The following TMEM132D variants were observed in gnomAD, a reference collection of about 807,000 sequenced individuals.
TMEM132D encodes transmembrane protein 132D.
A neutral mutation model predicts 62.3 loss-of-function variants in TMEM132D; 21 were observed. The observed-to-expected ratio is 0.34, with a 90% CI of 0.24 to 0.49. The LOEUF (loss-of-function observed/expected upper bound fraction) is 0.49. Among genes scored for constraint, TMEM132D ranks in the 20% least tolerant of loss-of-function variants. The pLI, the probability that TMEM132D is intolerant of heterozygous loss-of-function variation, is 0.99. For missense variants in TMEM132D, 1,346 were observed against 1,402.8 expected (o/e 0.96, Z 0.65); for synonymous variants, 621 against 575.6 (o/e 1.08, Z -1.13).
intron 1 of TMEM132D, among the ~76,000 whole-genome samples, chr12:129,752,870 G>A (rs947777374): frequency 6.6e-6 from 1 of 152,200 alleles, no homozygotes; most frequent in Non-Finnish European, 1.5e-5. Flanking sequence ...TGGCGAGGAG[G>A]AAGGAGGTAT....
At chr12:129,436,889 AG>A (rs1274977877) in intron 3 of TMEM132D, among the ~76,000 whole-genome samples, 1 of 152,190 alleles carries the variant, frequency 6.6e-6, no homozygotes, top group Non-Finnish European at 1.5e-5. Context: ...AGATTTAAAA[AG>A]TCTTCATTTT....
chr12:129,401,315 C>T (rs996839660), intron 3 of TMEM132D, among the ~76,000 whole-genome samples: 1 of 152,154 alleles, frequency 6.6e-6, no homozygotes, highest in Non-Finnish European at 1.5e-5. Context: ...GCCTGTAATC[C>T]CAACACATGA....
intron 5 of TMEM132D, among the ~76,000 whole-genome samples, chr12:129,126,571 T>C (rs1284341607): frequency 1.3e-5 from 2 of 152,274 alleles, no homozygotes; most frequent in East Asian, 1.9e-4. Context: ...ATCTGGCTAA[T>C]TGAAGAGCAA....
At chr12:129,797,007 G>T (rs187079238) in intron 1 of TMEM132D, among the ~76,000 whole-genome samples, 1 of 152,092 alleles carries the variant, frequency 6.6e-6, no homozygotes, top group Non-Finnish European at 1.5e-5. Context: ...TTTTAACACC[G>T]GCTTGTTTTC....
chr12:129,496,616 AAT>A (rs1593037889), intron 3 of TMEM132D, among the ~76,000 whole-genome samples: 1 of 152,160 alleles, frequency 6.6e-6, no homozygotes, highest in African/African-American at 2.4e-5. Flanking sequence ...AGGAAAGAGA[AAT>A]ATATGTTTTA....
intron 6 of TMEM132D, among the ~76,000 whole-genome samples, chr12:129,082,979 C>T (rs1465615019): frequency 6.6e-6 from 1 of 151,996 alleles, no homozygotes; most frequent in African/African-American, 2.4e-5. Context: ...CCTGCCTCGG[C>T]CTCCCAAAGT....
chr12:129,498,851 AG>A (rs1875042763), intron 3 of TMEM132D, among the ~76,000 whole-genome samples: 1 of 152,196 alleles, frequency 6.6e-6, no homozygotes, highest in Non-Finnish European at 1.5e-5. Context: ...GTGGGGACAT[AG>A]GGGCACTCCA....
intron 4 of TMEM132D, among the ~76,000 whole-genome samples, chr12:129,238,928 T>C (rs1879858168): frequency 6.6e-6 from 1 of 152,192 alleles, no homozygotes; most frequent in Admixed American, 6.5e-5. Context: ...AGTACCATGT[T>C]ACATTTCCAC....
intron 1 of TMEM132D, among the ~76,000 whole-genome samples, chr12:129,872,311 G>C (rs990936944): frequency 8.5e-5 from 13 of 152,096 alleles, no homozygotes; most frequent in Non-Finnish European, 1.6e-4. Context: ...TCCTAATCCA[G>C]TTTACACAGG....
At chr12:129,777,124 T>A (rs79908384) in intron 1 of TMEM132D, among the ~76,000 whole-genome samples, 3,503 of 152,310 alleles carry the variant, frequency 0.023, 82 homozygotes, top group South Asian at 0.089. Context: ...GTGCCACTTG[T>A]GATGTTTGTT....
intron 3 of TMEM132D, among the ~76,000 whole-genome samples, chr12:129,495,963 A>G (rs533038213): frequency 7.9e-5 from 12 of 152,354 alleles, no homozygotes; most frequent in African/African-American, 2.6e-4. Flanking sequence ...TATGAAATAA[A>G]TAGCAAACTC....
At chr12:129,236,200 T>C (rs866423854) in intron 4 of TMEM132D, among the ~76,000 whole-genome samples, 21 of 151,920 alleles carry the variant, frequency 1.4e-4, no homozygotes, top group Admixed American at 3.9e-4. Flanking sequence ...ATGTTTTCTT[T>C]CTTTCTTTTT....
intron 1 of TMEM132D, among the ~76,000 whole-genome samples, chr12:129,785,551 C>T (rs528373555): frequency 1.3e-5 from 2 of 152,328 alleles, no homozygotes; most frequent in South Asian, 2.1e-4. Context: ...ATTGTATGCA[C>T]TAAACCAAGT....
intron 1 of TMEM132D, among the ~76,000 whole-genome samples, chr12:129,822,680 G>A (rs542214943): frequency 6.6e-6 from 1 of 152,264 alleles, no homozygotes; most frequent in African/African-American, 2.4e-5. Flanking sequence ...TACAAGCGTG[G>A]CGGAAGGCAC....
intron 5 of TMEM132D, among the ~76,000 whole-genome samples, chr12:129,163,842 T>G (rs972389303): frequency 6.6e-6 from 1 of 152,260 alleles, no homozygotes; most frequent in Non-Finnish European, 1.5e-5. Context: ...AATTGGCTAC[T>G]TTATTCTAAT....
chr12:129,414,440 C>T (rs1227803039), intron 3 of TMEM132D, among the ~76,000 whole-genome samples: 3 of 152,138 alleles, frequency 2.0e-5, no homozygotes, highest in East Asian at 1.9e-4. Flanking sequence ...AGGCCATTTC[C>T]CCCAGCTTTA....
chr12:129,320,801 AAG>A (rs1185715020), intron 4 of TMEM132D, among the ~76,000 whole-genome samples: 1 of 152,210 alleles, frequency 6.6e-6, no homozygotes, highest in Non-Finnish European at 1.5e-5. Flanking sequence ...TACAGGAAGA[AAG>A]GGATAGATTT....
intron 7 of TMEM132D, among the ~76,000 whole-genome samples, chr12:129,079,236 G>T (rs565821096): frequency 9.2e-5 from 14 of 152,206 alleles, no homozygotes; most frequent in Admixed American, 2.6e-4. Context: ...GGATCCTGCT[G>T]GTCCATCTCA....
intron 5 of TMEM132D, among the ~76,000 whole-genome samples, chr12:129,128,090 T>C (rs1437064043): frequency 4.6e-5 from 7 of 152,122 alleles, no homozygotes; most frequent in Admixed American, 4.6e-4. Flanking sequence ...GTCTCCCTCT[T>C]GCTCAGCTAG....
Sources: gnomAD v4.1 joint callset for allele counts (sites outside exome capture counted in the v4.1 genomes callset) on GRCh38, gnomAD v4.1.1 for gene constraint, MANE v1.5 for transcripts, NCBI Gene and HGNC (gene_info 2026-07-23, HGNC 2026-07-21) for gene names.